The following GALNT18 variants were observed in gnomAD, a reference collection of about 807,000 sequenced individuals.
The protein encoded by GALNT18 is polypeptide N-acetylgalactosaminyltransferase 18.
GALNT18 carries 44 observed loss-of-function variants against 69.5 expected under a neutral mutation model. The observed-to-expected ratio is 0.63, with a 90% CI of 0.50 to 0.81. The LOEUF is 0.81. GALNT18 is among the 40% of genes least tolerant of loss of function. GALNT18 has a pLI of 0.00. For missense variants in GALNT18, 715 were observed against 810.0 expected (o/e 0.88, Z 1.42); for synonymous variants, 364 against 318.2 (o/e 1.14, Z -1.53).
At chr11:11,585,424 T>G (rs573382539) in intron 1 of GALNT18, among the ~76,000 whole-genome samples, 1 of 152,092 alleles carries the variant, frequency 6.6e-6, no homozygotes, top group South Asian at 2.1e-4. Flanking sequence ...GGCGTGATCT[T>G]GGCTCACCAC....
intron 5 of GALNT18, among the ~76,000 whole-genome samples, chr11:11,375,819 G>A (rs1853737526): frequency 6.6e-6 from 1 of 152,318 alleles, no homozygotes; most frequent in South Asian, 2.1e-4. Context: ...TAGGTATCAG[G>A]TAACTTCAGG....
At chr11:11,342,315 T>G (rs780224840) in intron 6 of GALNT18, among the ~76,000 whole-genome samples, 1 of 152,232 alleles carries the variant, frequency 6.6e-6, no homozygotes, top group Non-Finnish European at 1.5e-5. Context: ...AGCTGATGAA[T>G]GTGGCTTCTG....
intron 1 of GALNT18, among the ~76,000 whole-genome samples, chr11:11,495,234 A>C (rs574459578): frequency 1.3e-5 from 2 of 152,304 alleles, no homozygotes; most frequent in East Asian, 3.9e-4. Flanking sequence ...AGTAAGATGA[A>C]GAGCAGCATT....
intron 1 of GALNT18, among the ~76,000 whole-genome samples, chr11:11,612,516 A>G (rs1010281491): frequency 1.4e-4 from 21 of 152,220 alleles, no homozygotes; most frequent in Non-Finnish European, 2.4e-4. Flanking sequence ...AGATGCCGCT[A>G]GCACAACATT....
chr11:11,509,786 C>T (rs1046927217), intron 1 of GALNT18, among the ~76,000 whole-genome samples: 2 of 152,222 alleles, frequency 1.3e-5, no homozygotes, highest in Admixed American at 1.3e-4. Flanking sequence ...GAATTCAAGA[C>T]CTTCACTGCC....
chr11:11,498,406 A>G (rs1302520261), intron 1 of GALNT18, among the ~76,000 whole-genome samples: 1 of 152,216 alleles, frequency 6.6e-6, no homozygotes, highest in African/African-American at 2.4e-5. Context: ...AAGAAATACT[A>G]TGGGTTCCAT....
chr11:11,593,807 C>A (rs79644699), intron 1 of GALNT18, among the ~76,000 whole-genome samples: 1 of 152,144 alleles, frequency 6.6e-6, no homozygotes, highest in Non-Finnish European at 1.5e-5. Flanking sequence ...AAATTTCCAG[C>A]CTTTCTCAAT....
At chr11:11,282,943 G>T (rs773205399) in intron 10 of GALNT18, among the ~76,000 whole-genome samples, 2 of 149,464 alleles carry the variant, frequency 1.3e-5, no homozygotes, top group Non-Finnish European at 3.0e-5. Context: ...GGCTCGGGGT[G>T]GTGGAGAGCT....
intron 1 of GALNT18, among the ~76,000 whole-genome samples, chr11:11,471,343 C>A (rs1013604487): frequency 1.3e-5 from 2 of 152,146 alleles, no homozygotes; most frequent in African/African-American, 2.4e-5. Context: ...AAGTCATGCC[C>A]CACTTTAGGA....
intron 10 of GALNT18, among the ~76,000 whole-genome samples, chr11:11,286,249 C>T (rs1405317761): frequency 6.6e-6 from 1 of 152,252 alleles, no homozygotes; most frequent in East Asian, 1.9e-4. Context: ...AATTTGCACT[C>T]CATGCAATAT....
rs1855411478 is a variant in GALNT18 at position 11,436,723 on chromosome 11, A to G, written c.429-3936T>C. On this transcript the variant is annotated intron_variant, in intron 2 of 10. Transcript: ENST00000227756. This position sits in a 1 kb window ranked among gnomAD's most constrained non-coding sequence, Gnocchi z 4.5. Reference sequence around the variant, plus strand: ...AGGGGCAAAAAGAGGGAAGAAGAGCATATCAAGCAAGACATCTACATCCTT... The same window carrying G: ...AGGGGCAAAAAGAGGGAAGAAGAGCGTATCAAGCAAGACATCTACATCCTT... Among the ~76,000 whole-genome samples the G allele has an allele frequency of 6.6e-6, 1 of 152,244 alleles. No individual in the cohort carries two copies. Among genetic ancestry groups the G allele is most frequent in the African/African-American group, 2.4e-5 (1 of 41,470 alleles).
chr11:11,588,319 C>T (rs1859274207), intron 1 of GALNT18, among the ~76,000 whole-genome samples: 1 of 152,136 alleles, frequency 6.6e-6, no homozygotes. Context: ...TTGCATGCCT[C>T]CAGTCACCTA....
chr11:11,297,424 C>A (rs1172986537), intron 9 of GALNT18, among the ~76,000 whole-genome samples: 1 of 152,128 alleles, frequency 6.6e-6, no homozygotes, highest in Non-Finnish European at 1.5e-5. Flanking sequence ...TCCAAAGTCG[C>A]ACGGTTGGTG....
rs1343662114 is a variant in GALNT18 at position 11,618,853 on chromosome 11, C to T, written c.235+2506G>A. On this transcript the variant is annotated intron_variant, in intron 1 of 10. Coordinates refer to ENST00000227756, the MANE Select transcript of GALNT18 (RefSeq NM_198516.3). This position sits in a 1 kb window ranked among gnomAD's most constrained non-coding sequence, Gnocchi z 6.1. ...TCTTATTATTATTACCGCTTATTCCCTCCAGTTCAGCAAAGTAAACTGGAT... is the reference window on the plus strand; with the variant it reads ...TCTTATTATTATTACCGCTTATTCCTTCCAGTTCAGCAAAGTAAACTGGAT... 6.6e-6 allele frequency among the ~76,000 whole-genome samples: 1 copy of T among 152,178 alleles called. No individual in the cohort carries two copies. The highest frequency in any genetic ancestry group is 6.5e-5 in the Admixed American group (1 of 15,280).
Position 11,459,958 on chromosome 11 carries a change from G to A in GALNT18, c.236-11022C>T, listed in dbSNP as rs1856005120. 6.6e-6 allele frequency among the ~76,000 whole-genome samples: 1 copy of A among 152,148 alleles called. No individual in the cohort carries two copies. Among genetic ancestry groups the A allele is most frequent in the African/African-American group, 2.4e-5 (1 of 41,426 alleles). On this transcript the variant is annotated intron_variant, in intron 1 of 10. Coordinates refer to ENST00000227756, the MANE Select transcript of GALNT18 (RefSeq NM_198516.3). The surrounding 1 kb of genome is among the most constrained non-coding windows in gnomAD (Gnocchi z 5.0). ...TTCCATGCTCTTCCCAGTTTCCAGA[G>A]GCTGCCTGCATTCCTTGGCTTATGG...
rs1006228722 is a variant in GALNT18 at position 11,461,444 on chromosome 11, G to GT, written c.236-12509dup. On this transcript the variant is annotated intron_variant, in intron 1 of 10. Coordinates refer to ENST00000227756, the MANE Select transcript of GALNT18 (RefSeq NM_198516.3). This position sits in a 1 kb window ranked among gnomAD's most constrained non-coding sequence, Gnocchi z 4.1. ...TCATTTTAGAGAGTGACAAATGTCTGTATCTTAGGAATCAGAATTTATATG... is the reference window on the plus strand; with the variant it reads ...TCATTTTAGAGAGTGACAAATGTCTGTTATCTTAGGAATCAGAATTTATATG... Among the ~76,000 whole-genome samples, 15 of 152,178 alleles carry GT rather than the reference G, an allele frequency of 9.9e-5. No individual in the cohort carries two copies. The highest frequency in any genetic ancestry group is 3.6e-4 in the African/African-American group (15 of 41,430).
intron 3 of GALNT18, among the ~76,000 whole-genome samples, chr11:11,419,261 CTT>C (rs1267663880): frequency 1.3e-5 from 2 of 152,134 alleles, no homozygotes; most frequent in Non-Finnish European, 2.9e-5. Flanking sequence ...TCAGACATTT[CTT>C]TGTTTTGTGC....
chr11:11,513,458 C>T (rs535162634), intron 1 of GALNT18, among the ~76,000 whole-genome samples: 3 of 152,196 alleles, frequency 2.0e-5, no homozygotes, highest in Non-Finnish European at 2.9e-5. Flanking sequence ...CTATCTCTTT[C>T]AAAGACGTGG....
In GALNT18 at chr11:11,454,043, A is replaced by T. The variant is rs927556584; in HGVS notation, c.236-5107T>A. On this transcript the variant is annotated intron_variant, in intron 1 of 10. Coordinates refer to ENST00000227756, the MANE Select transcript of GALNT18 (RefSeq NM_198516.3). The surrounding 1 kb of genome is among the most constrained non-coding windows in gnomAD (Gnocchi z 4.2). ...GCCTAGTAGGTGCTTAACCAATACC[A>T]GTAAAATGAACGAATAGGGCATTAG... Among the ~76,000 whole-genome samples, 1 of 152,200 alleles carries T rather than the reference A, an allele frequency of 6.6e-6. No homozygotes were observed. The highest frequency in any genetic ancestry group is 2.4e-5 in the African/African-American group (1 of 41,450).
Sources: allele counts gnomAD v4.1 joint callset (sites outside exome capture counted in the v4.1 genomes callset), GRCh38; gene constraint gnomAD v4.1.1; non-coding constraint Gnocchi (gnomAD v3.1); transcripts MANE v1.5; gene names NCBI Gene and HGNC (gene_info 2026-07-23, HGNC 2026-07-21).